PRRC2B: variants seen among roughly 807,000 people sequenced by gnomAD.
PRRC2B encodes the protein protein PRRC2B.
Under a neutral mutation model 242.3 loss-of-function variants are expected in PRRC2B, and 68 were observed. The ratio of observed to expected loss-of-function variants is 0.28; its 90% CI spans 0.23 to 0.34. PRRC2B has a LOEUF of 0.34. Among genes scored for constraint, PRRC2B ranks in the 10% least tolerant of loss-of-function variants. The pLI, the probability that PRRC2B is intolerant of heterozygous loss-of-function variation, is 1.00. For missense variants in PRRC2B, 2,835 were observed against 2,954.8 expected (o/e 0.96, Z 0.94); for synonymous variants, 1,228 against 1,173.6 (o/e 1.05, Z -0.95).
chr9:131,415,943 C>A (rs1438430493), intron 1 of PRRC2B, among the ~76,000 whole-genome samples: 1 of 151,940 alleles, frequency 6.6e-6, no homozygotes, highest in African/African-American at 2.4e-5. Context: ...ATAATTTCTT[C>A]CTCTCCTTCC....
rs7357766 is a variant in PRRC2B at position 131,459,346 on chromosome 9, C to A, written c.1394C>A (p.Pro465His). 6.2e-7 allele frequency: 1 copy of A among 1,612,962 alleles called. No individual in the cohort carries two copies. Among genetic ancestry groups the A allele is most frequent in the South Asian group, 1.1e-5 (1 of 91,004 alleles). Reference protein sequence around the residue: ...PRKLHGWAPGPDYQKSSMGSM... With the variant: ...PRKLHGWAPGHDYQKSSMGSM... ...AAGCTTCATGGCTGGGCACCAGGCC[C>A]TGACTACCAGGTACCAAGGGCCCTT... Residue 465 changes from proline to histidine, a missense_variant, in exon 11 of 32, where the codon CCT becomes CAT. Pro to His is a moderately conservative substitution (Grantham distance 77). This residue lies in a region of PRRC2B where 626 missense variants were observed against 685.5 expected (regional missense o/e 0.91). Coordinates refer to ENST00000683519, the MANE Select transcript of PRRC2B (RefSeq NM_013318.4).
intron 9 of PRRC2B, 91 bp from the exon 10 acceptor site, chr9:131,454,984 AG>A: frequency 1.1e-6 from 1 of 931,310 alleles, no homozygotes. Context: ...AGCCTCGCAA[AG>A]TACTGGGATT....
intron 1 of PRRC2B, among the ~76,000 whole-genome samples, chr9:131,388,069 T>C (rs1048943417): frequency 6.7e-6 from 1 of 149,152 alleles, no homozygotes; most frequent in African/African-American, 2.4e-5. Flanking sequence ...GCACACGCTA[T>C]GTAGGAGGCT....
At chr9:131,407,103 T>C (rs1837384895) in intron 1 of PRRC2B, among the ~76,000 whole-genome samples, 1 of 152,172 alleles carries the variant, frequency 6.6e-6, no homozygotes. Context: ...CCATTGTAAT[T>C]CTTTGCACAC....
chr9:131,492,646 C>T (rs548800694), intron 30 of PRRC2B, among the ~76,000 whole-genome samples: 8 of 152,172 alleles, frequency 5.3e-5, no homozygotes, highest in Non-Finnish European at 7.3e-5. Context: ...CCTTTCCCAG[C>T]GTCTCTTTCC....
intron 1 of PRRC2B, among the ~76,000 whole-genome samples, 188 bp downstream of exon 1, chr9:131,394,451 G>T (rs951972552): frequency 6.8e-6 from 1 of 146,552 alleles, no homozygotes; most frequent in African/African-American, 2.4e-5. Flanking sequence ...GGGCTGCGGG[G>T]CTGGGAGGCC....
At chr9:131,385,733 G>T (rs543979419) in intron 1 of PRRC2B, among the ~76,000 whole-genome samples, 4 of 150,310 alleles carry the variant, frequency 2.7e-5, no homozygotes, top group Admixed American at 6.9e-5. Context: ...TCGCCTTGTC[G>T]CCCAGGCTGG....
chr9:131,444,048 G>T, intron 5 of PRRC2B, 137 bp from the exon 6 acceptor site: 1 of 956,342 alleles, frequency 1.0e-6, no homozygotes. Context: ...GCATCTGCCA[G>T]CACAGAGCAC....
intron 17 of PRRC2B, among the ~76,000 whole-genome samples, chr9:131,478,171 T>G (rs1012385511): frequency 1.3e-5 from 2 of 152,252 alleles, no homozygotes; most frequent in South Asian, 4.1e-4. Flanking sequence ...ACCCTGCAGC[T>G]TCCGGGCTTT....
chr9:131,476,604 A>G (rs1444707961), intron 16 of PRRC2B, 69 bp downstream of exon 16: 1 of 1,379,640 alleles, frequency 7.2e-7, no homozygotes, highest in East Asian at 2.4e-5. Flanking sequence ...GAGTTCACGC[A>G]TGCATGCCGA....
At chr9:131,480,642 G>A (rs546759568) in intron 19 of PRRC2B, among the ~76,000 whole-genome samples, 3 of 151,460 alleles carry the variant, frequency 2.0e-5, no homozygotes, top group Admixed American at 1.3e-4. Context: ...TTAAAGATGG[G>A]GTCTCACTAT....
intron 1 of PRRC2B, among the ~76,000 whole-genome samples, chr9:131,423,288 GCTGT>G (rs1837893751): frequency 6.6e-6 from 1 of 152,214 alleles, no homozygotes; most frequent in Non-Finnish European, 1.5e-5. Flanking sequence ...CCGCTGGAGA[GCTGT>G]TCTCTTGCCT....
Position 131,494,643 on chromosome 9 carries a change from C to T in PRRC2B, c.6555+157C>T, listed in dbSNP as rs1012756581. On this transcript the variant is annotated intron_variant, in intron 31 of 31. Transcript: ENST00000683519. The surrounding 1 kb of genome is among the most constrained non-coding windows in gnomAD (Gnocchi z 4.3). ...ACAGAACCGGGAGCTGGGCCGCCCG[C>T]GTCCCTCCTGGCGAAGGCATTTCTC... 2.0e-5 allele frequency among the ~76,000 whole-genome samples: 3 copies of T among 152,226 alleles called. No homozygotes were observed. The highest frequency in any genetic ancestry group is 7.2e-5 in the African/African-American group (3 of 41,460).
At chr9:131,430,368 C>G in intron 2 of PRRC2B, 109 bp downstream of exon 2, 1 of 623,294 alleles carries the variant, frequency 1.6e-6, no homozygotes, top group Non-Finnish European at 2.9e-6. Flanking sequence ...GCACACCAGG[C>G]TTCTGGGTGT....
Position 131,476,488 on chromosome 9 carries a change from C to T in PRRC2B, c.4359C>T (p.Ser1453=). The part of the protein sequence containing the change: ...KPVRPGGGDT[S]PRYESQQNGT... Reference sequence around the variant, plus strand: ...TTAGGCCAGGTGGTGGTGACACCTCCCCTCGCTATGAGAGCCAACAGAATG... The same window carrying T: ...TTAGGCCAGGTGGTGGTGACACCTCTCCTCGCTATGAGAGCCAACAGAATG... Residue 1453 remains serine, a synonymous_variant, in exon 16 of 32, where the codon TCC becomes TCT. Transcript: ENST00000683519. The T allele has an allele frequency of 6.2e-7, 1 of 1,610,126 alleles. No individual in the cohort carries two copies. Among genetic ancestry groups the T allele is most frequent in the East Asian group, 2.2e-5 (1 of 44,852 alleles).
At chr9:131,464,627 C>G (rs1340890294) in intron 11 of PRRC2B, 136 bp from the exon 12 acceptor site, 13 of 772,982 alleles carry the variant, frequency 1.7e-5, no homozygotes, top group Non-Finnish European at 2.6e-5. Context: ...GAACCCAGCT[C>G]TGTCTGCCAC....
At chr9:131,468,429 G>A (rs1042109143) in intron 13 of PRRC2B, among the ~76,000 whole-genome samples, 3 of 152,112 alleles carry the variant, frequency 2.0e-5, no homozygotes, top group Non-Finnish European at 2.9e-5. Context: ...TGGTGTCACC[G>A]TTATTGGCTT....
intron 1 of PRRC2B, among the ~76,000 whole-genome samples, chr9:131,385,230 A>G (rs956531473): frequency 6.7e-6 from 1 of 149,200 alleles, no homozygotes; most frequent in African/African-American, 2.4e-5. Context: ...AATCCCAGCT[A>G]CTTGGGAGGC....
At chr9:131,405,250 A>G (rs1404542333) in intron 1 of PRRC2B, among the ~76,000 whole-genome samples, 1 of 152,192 alleles carries the variant, frequency 6.6e-6, no homozygotes, top group African/African-American at 2.4e-5. Flanking sequence ...GGTGAAGGCC[A>G]CTGTGGGAGC....
Sources: gnomAD v4.1 joint callset for allele counts (sites outside exome capture counted in the v4.1 genomes callset) on GRCh38, gnomAD v4.1.1 for gene constraint, gnomAD v4.1.1 regional missense constraint, Gnocchi (gnomAD v3.1) non-coding constraint, MANE v1.5 for transcripts, NCBI Gene and HGNC (gene_info 2026-07-23, HGNC 2026-07-21) for gene names.